Variants in DTHD1 observed in about 807,000 individuals in gnomAD.
DTHD1 encodes death domain-containing protein 1.
A neutral mutation model predicts 74.8 loss-of-function variants in DTHD1; 59 were observed. That is an observed-to-expected ratio of 0.79 (90% CI 0.64 to 0.98). The LOEUF is 0.98. Among genes scored for constraint, DTHD1 ranks in the 50% least tolerant of loss-of-function variants. The pLI is 0.00. For missense variants in DTHD1, 1,051 were observed against 1,065.4 expected (o/e 0.99, Z 0.19); for synonymous variants, 365 against 371.1 (o/e 0.98, Z 0.19).
chr4:36,343,715 G>T lies in DTHD1; in HGVS notation c.2612G>T (p.Arg871Leu), dbSNP rs1179052199. The T allele has an allele frequency of 6.4e-7, 1 of 1,551,480 alleles. No individual in the cohort carries two copies. The highest frequency in any genetic ancestry group is 1.2e-5 in the South Asian group (1 of 84,048). Residue 871 changes from arginine (R) to leucine (L), a missense_variant, in exon 10 of 10, where the codon CGA (arginine) becomes CTA (leucine). Arg to Leu is a moderately radical substitution (Grantham distance 102). Coordinates refer to ENST00000639862, the MANE Select transcript of DTHD1 (RefSeq NM_001170700.3). ...TFTDKLRLLA[R>L]HLRKIGRSDL... The stretch of plus-strand genomic sequence containing the variant: ...ACCGACAAACTTCGCCTCCTGGCTC[G>T]ACATCTCCGCAAGATTGGCAGGAGT...
At chr4:36,321,439 T>C (rs1424872173) in intron 8 of DTHD1, among the ~76,000 whole-genome samples, 1 of 152,234 alleles carries the variant, frequency 6.6e-6, no homozygotes, top group African/African-American at 2.4e-5. Flanking sequence ...GAAATTCACC[T>C]GCCAGGGATC....
intron 5 of DTHD1, among the ~76,000 whole-genome samples, chr4:36,295,833 A>C (rs190689283): frequency 5.8e-4 from 89 of 152,228 alleles, no homozygotes; most frequent in African/African-American, 2.1e-3. Flanking sequence ...AAGGGACCAA[A>C]ATATGATAAG....
rs16992070 is a variant in DTHD1 at position 36,327,488 on chromosome 4, G to A, written c.2340+11002G>A. On this transcript the variant is annotated intron_variant, in intron 8 of 9. Transcript: ENST00000639862. ...TTGAGCTGCTTTAAGAAGTAATAGC[G>A]TCTTCCACGTAGCTGCATTTATGGG... Among the ~76,000 whole-genome samples, 1,378 of 152,248 alleles carry A rather than the reference G, an allele frequency of 9.1e-3. 20 individuals carry two copies. Among genetic ancestry groups the A allele is most frequent in the African/African-American group, 0.032 (1,311 of 41,550 alleles).
chr4:36,308,609 T>C (rs1757200088), intron 7 of DTHD1, 116 bp downstream of exon 7: 8 of 796,328 alleles, frequency 1.0e-5, no homozygotes, highest in South Asian at 2.2e-5. Flanking sequence ...CGAGAGACTT[T>C]AGGAAGTAGG....
chr4:36,323,933 C>T (rs1758183996), intron 8 of DTHD1, among the ~76,000 whole-genome samples: 1 of 152,162 alleles, frequency 6.6e-6, no homozygotes, highest in African/African-American at 2.4e-5. Flanking sequence ...ATGCATCTCC[C>T]TTACATGTTA....
At chr4:36,309,898 C>G (rs1757290100) in intron 7 of DTHD1, among the ~76,000 whole-genome samples, 1 of 152,198 alleles carries the variant, frequency 6.6e-6, no homozygotes, top group Non-Finnish European at 1.5e-5. Flanking sequence ...TTGTTGCCAT[C>G]CTCATGTCCA....
Position 36,293,562 on chromosome 4 carries a change from A to G in DTHD1, c.1255A>G (p.Ile419Val). The G allele has an allele frequency of 6.5e-7, 1 of 1,546,974 alleles. No homozygotes were observed. The highest frequency in any genetic ancestry group is 8.7e-7 in the Non-Finnish European group (1 of 1,143,966). Residue 419 changes from isoleucine (I) to valine (V), a missense_variant, in exon 4 of 10, where the codon ATC becomes GTC. Ile to Val is a conservative substitution (Grantham distance 29). Coordinates refer to ENST00000639862, the MANE Select transcript of DTHD1 (RefSeq NM_001170700.3). ...TTCAGTAAAAGTTTACAAATTGGGTATCTTTTCTGTTGTGTCTTGTTTAAA... is the reference window on the plus strand; with the variant it reads ...TTCAGTAAAAGTTTACAAATTGGGTGTCTTTTCTGTTGTGTCTTGTTTAAA... ...CASVKVYKLG[I>V]FSVVSCLKKE...
rs868768667 is a variant in DTHD1 at position 36,306,647 on chromosome 4, T to C, written c.1805+295T>C. Among the ~76,000 whole-genome samples, 6 of 152,198 alleles carry C rather than the reference T, an allele frequency of 3.9e-5. No homozygotes were observed. The South Asian group carries it at 1.0e-3, about 26-fold the overall frequency. On this transcript the variant is annotated intron_variant, in intron 6 of 9. Coordinates refer to ENST00000639862, the MANE Select transcript of DTHD1 (RefSeq NM_001170700.3). ...TCTGAAATACCATGGAGATAGTAATTAACTGTTCATATTATGCATATCTCA... is the reference window on the plus strand; with the variant it reads ...TCTGAAATACCATGGAGATAGTAATCAACTGTTCATATTATGCATATCTCA...
intron 5 of DTHD1, among the ~76,000 whole-genome samples, chr4:36,303,665 G>A (rs1488869164): frequency 6.6e-6 from 1 of 152,186 alleles, no homozygotes; most frequent in African/African-American, 2.4e-5. Flanking sequence ...TCTCACTCCA[G>A]ATCTGTCACA....
intron 5 of DTHD1, among the ~76,000 whole-genome samples, chr4:36,305,632 AACAG>A (rs1338351221): frequency 1.3e-5 from 2 of 152,192 alleles, no homozygotes; most frequent in Non-Finnish European, 2.9e-5. Flanking sequence ...TAGGTAAGAA[AACAG>A]ACAGAAAGAA....
chr4:36,286,638 G>T (rs906931253), intron 2 of DTHD1, among the ~76,000 whole-genome samples: 1 of 152,196 alleles, frequency 6.6e-6, no homozygotes, highest in Non-Finnish European at 1.5e-5. Flanking sequence ...AGAAATGGAT[G>T]GTTGGGTGAT....
intron 3 of DTHD1, 126 bp from the exon 4 acceptor site, chr4:36,293,400 T>A: frequency 2.9e-6 from 2 of 693,120 alleles, no homozygotes; most frequent in Non-Finnish European, 4.1e-6. Flanking sequence ...GTTATTGGAA[T>A]CATTTTAAGT....
Position 36,343,885 on chromosome 4 carries a change from C to G in DTHD1, c.*61C>G. 7.1e-7 allele frequency: 1 copy of G among 1,410,248 alleles called. No individual in the cohort carries two copies. The highest frequency in any genetic ancestry group is 9.4e-7 in the Non-Finnish European group (1 of 1,065,398). 87.4% of individuals were successfully genotyped at this position (1,410,248 alleles called of 1,614,324 possible). On this transcript the variant is annotated 3_prime_UTR_variant, in exon 10 of 10. Transcript: ENST00000639862. ...GCACACGGTGGGTTTTTGTTTCTGT[C>G]AACATTTTCCTGGAAGTTTCCGAAT...
At position 36,284,305 on chromosome 4, in the gene DTHD1, G is replaced by A. The variant is rs1333552186; in HGVS notation, c.601G>A (p.Val201Ile). 1 of 1,537,194 alleles carries A rather than the reference G, an allele frequency of 6.5e-7. No individual in the cohort carries two copies. Among genetic ancestry groups the A allele is most frequent in the East Asian group, 2.4e-5 (1 of 40,906 alleles). The stretch of plus-strand genomic sequence containing the variant: ...AAACAATACATCACTGAATGGACGT[G>A]TACTGGGGCAAGAAGAGTCACAGAA... The part of the protein sequence containing the change: ...KENNTSLNGR[V>I]LGQEESQNKM... Residue 201 changes from valine (V) to isoleucine (I), a missense_variant, in exon 2 of 10, where the codon GTA (valine) becomes ATA (isoleucine). Val to Ile is a conservative substitution (Grantham distance 29). Coordinates refer to ENST00000639862, the MANE Select transcript of DTHD1 (RefSeq NM_001170700.3).
intron 7 of DTHD1, among the ~76,000 whole-genome samples, chr4:36,314,747 G>GTTTTTTTTTTTTTT: frequency 1.0e-5 from 1 of 98,042 alleles, no homozygotes; most frequent in Non-Finnish European, 2.0e-5. Context: ...AACAATCTGA[G>GTTTTTTTTTTTTTT]TTTTTTTTTT....
Position 36,306,196 on chromosome 4 carries a change from A to C in DTHD1, c.1649A>C (p.Lys550Thr). 6.4e-7 allele frequency: 1 copy of C among 1,551,654 alleles called. No homozygotes were observed. The highest frequency in any genetic ancestry group is 8.7e-7 in the Non-Finnish European group (1 of 1,146,898). The change falls in exon 6 of 10, where the codon AAA becomes ACA. Residue 550 changes from lysine to threonine, a missense_variant. Coordinates refer to ENST00000639862, the MANE Select transcript of DTHD1 (RefSeq NM_001170700.3). The stretch of plus-strand genomic sequence containing the variant: ...CTTCTGTTACCATTATATAGGACAA[A>C]AATTGCCTCCATAAGAAAACCTAGG... ...RITPSYFNRT[K>T]IASIRKPRKN...
Position 36,306,349 on chromosome 4 carries a change from A to C in DTHD1, c.1802A>C (p.Glu601Ala). The C allele has an allele frequency of 6.5e-7, 1 of 1,547,852 alleles. No homozygotes were observed. The highest frequency in any genetic ancestry group is 8.7e-7 in the Non-Finnish European group (1 of 1,144,916). ...LVSVELYEHLERFIVLHLSST... is the reference protein window; with the variant it reads ...LVSVELYEHLARFIVLHLSST... ...TCAGTTGAATTGTATGAACATTTGG[A>C]GAGGTAATACCATCAAAAACAATCA... Residue 601 changes from glutamate to alanine, a missense_variant, in exon 6 of 10, where the codon GAG becomes GCG. Glu to Ala is a moderately radical substitution (Grantham distance 107). Transcript: ENST00000639862.
intron 8 of DTHD1, among the ~76,000 whole-genome samples, chr4:36,321,208 A>G (rs895417013): frequency 3.3e-5 from 5 of 152,158 alleles, no homozygotes; most frequent in Non-Finnish European, 7.3e-5. Flanking sequence ...TTTTCAACTC[A>G]TAGGCAGAGT....
chr4:36,284,289 A>C lies in DTHD1; in HGVS notation c.585A>C (p.Thr195=). The change falls in exon 2 of 10, where the codon ACA becomes ACC. Residue 195 remains threonine, a synonymous_variant. Transcript: ENST00000639862. ...CATTAGTGGAAAAAGAAAACAATAC[A>C]TCACTGAATGGACGTGTACTGGGGC... ...SSALVEKENN[T]SLNGRVLGQE... The C allele has an allele frequency of 6.5e-7, 1 of 1,537,214 alleles. No individual in the cohort carries two copies. The highest frequency in any genetic ancestry group is 2.4e-5 in the East Asian group (1 of 40,912).
Sources: allele counts gnomAD v4.1 joint callset (sites outside exome capture counted in the v4.1 genomes callset), GRCh38; gene constraint gnomAD v4.1.1; transcripts MANE v1.5; gene names NCBI Gene and HGNC (gene_info 2026-07-23, HGNC 2026-07-21).